The following FKBP3 variants were observed in gnomAD, a reference collection of about 807,000 sequenced individuals.
The protein encoded by FKBP3 is FKBP prolyl isomerase 3.
A neutral mutation model predicts 30.6 loss-of-function variants in FKBP3; 21 were observed. That is an observed-to-expected ratio of 0.69 (90% CI 0.49 to 0.99). The LOEUF is 0.99. FKBP3 is among the 50% of genes least tolerant of loss of function. The pLI, the probability that FKBP3 is intolerant of heterozygous loss-of-function variation, is 0.00. For missense variants in FKBP3, 283 were observed against 261.6 expected (o/e 1.08, Z -0.56); for synonymous variants, 82 against 91.3 (o/e 0.90, Z 0.58).
chr14:45,134,207 C>T, intron 1 of FKBP3, 142 bp downstream of exon 1: 1 of 686,318 alleles, frequency 1.5e-6, no homozygotes, highest in Non-Finnish European at 2.5e-6. Context: ...AAAGCACAAG[C>T]TGGGCCTCTC....
chr14:45,128,069 G>T (rs1006534215), intron 3 of FKBP3, among the ~76,000 whole-genome samples: 6 of 152,220 alleles, frequency 3.9e-5, no homozygotes, highest in Non-Finnish European at 8.8e-5. Context: ...AGGGGCAGTG[G>T]CTCACGCCTG....
Position 45,121,601 on chromosome 14 carries a change from T to C in FKBP3, c.338A>G (p.Lys113Arg). ...TTTATCTCCCTTTTTCAGAACAGATTTAGTATATTTTGGTGGACCCTAAAA... is the reference window on the plus strand; with the variant it reads ...TTTATCTCCCTTTTTCAGAACAGATCTAGTATATTTTGGTGGACCCTAAAA... ...TLDEGPPKYT[K>R]SVLKKGDKTN... is the part of the protein sequence containing the mutation. The change falls in exon 4 of 7, where the codon AAA becomes AGA. Residue 113 changes from lysine (K) to arginine (R), a missense_variant. Physicochemically the swap from Lys to Arg is conservative, Grantham distance 26. Transcript: ENST00000396062. 1.2e-6 allele frequency: 2 copies of C among 1,613,560 alleles called. No individual in the cohort carries two copies. Among genetic ancestry groups the C allele is most frequent in the Non-Finnish European group, 1.7e-6 (2 of 1,179,752 alleles).
intron 3 of FKBP3, among the ~76,000 whole-genome samples, chr14:45,128,463 G>C (rs999210880): frequency 4.6e-5 from 7 of 152,204 alleles, no homozygotes; most frequent in Admixed American, 2.6e-4. Flanking sequence ...AAATGTTGTT[G>C]AGTAGCAATG....
rs781112541 is a variant in FKBP3, at chr14:45,134,368, T to C, written c.89A>G (p.Gln30Arg). 6.2e-7 allele frequency: 1 copy of C among 1,613,782 alleles called. No homozygotes were observed. The highest frequency in any genetic ancestry group is 8.5e-7 in the Non-Finnish European group (1 of 1,179,780). ...TGGTACCGAATCTGAACCGTGTTCC[T>C]GCAGAAACTTGATAATGTCCTTCTT... ...LPKKDIIKFL[Q>R]EHGSDSFLAE... Residue 30 changes from glutamine (Q) to arginine (R), a missense_variant, in exon 1 of 7, where the codon CAG becomes CGG. Coordinates refer to ENST00000396062, the MANE Select transcript of FKBP3 (RefSeq NM_002013.4).
At chr14:45,116,978 G>GCC (rs916784438) in intron 6 of FKBP3, among the ~76,000 whole-genome samples, 2 of 148,454 alleles carry the variant, frequency 1.3e-5, no homozygotes, top group African/African-American at 5.0e-5. Context: ...TGATTTCCCC[G>GCC]CCCCCCCCAC....
At position 45,130,715 on chromosome 14, in the gene FKBP3, T is replaced by C. The variant is rs1246355975; in HGVS notation, c.194A>G (p.His65Arg). Residue 65 changes from histidine (H) to arginine (R), a missense_variant, in exon 2 of 7, where the codon CAT becomes CGT. Transcript: ENST00000396062. ...AATACTCACCTTAGTTTCAAAAAGA[T>C]GGTTATAGGCTGTAACCAAGTGGTC... ...NKDHLVTAYNHLFETKRFKGT... is the reference protein window; with the variant it reads ...NKDHLVTAYNRLFETKRFKGT... 1.9e-6 allele frequency: 3 copies of C among 1,588,450 alleles called. No individual in the cohort carries two copies. Among genetic ancestry groups the C allele is most frequent in the East Asian group, 2.3e-5 (1 of 44,242 alleles).
Position 45,115,871 on chromosome 14 carries a change from ATATAT to A in FKBP3, c.*322_*326del, listed in dbSNP as rs1450237111. The A allele has an allele frequency of 1.9e-5, 4 of 214,992 alleles. No individual in the cohort carries two copies. The highest frequency in any genetic ancestry group is 3.8e-5 in the Non-Finnish European group (4 of 104,696). The allele number at this position is 214,992 out of a possible 1,614,324, so 13.3% of individuals were successfully genotyped here. ...TTCCAATTCCCTAATCAGAACAATA[ATATAT>A]TAACACCAAACAAATCACAGTCAGA... On this transcript the variant is annotated 3_prime_UTR_variant, in exon 7 of 7. Coordinates refer to ENST00000396062, the MANE Select transcript of FKBP3 (RefSeq NM_002013.4).
intron 1 of FKBP3, chr14:45,133,430 G>C (rs1281445873): frequency 5.3e-6 from 1 of 187,272 alleles, no homozygotes; most frequent in African/African-American, 2.4e-5. Flanking sequence ...TCGCGCCACT[G>C]CACTCCAGCC....
At position 45,123,581 on chromosome 14, in the gene FKBP3, T is replaced by G. The variant is rs1885032392; in HGVS notation, c.319-1961A>C. ...ATGTAATTTTTCACTTCTCTAACTC[T>G]GCTTAAATCCCTCTCTACTCCTTTT... On this transcript the variant is annotated intron_variant, in intron 3 of 6. Transcript: ENST00000396062. 3.4e-5 allele frequency among the ~76,000 whole-genome samples: 5 copies of G among 146,270 alleles called. No individual in the cohort carries two copies. In the South Asian group the frequency reaches 1.1e-3, roughly 33 times the overall value.
Position 45,117,932 on chromosome 14 carries a change from C to T in FKBP3, c.620+96G>A, listed in dbSNP as rs1341755152. On this transcript the variant is annotated intron_variant, in intron 6 of 6. Transcript: ENST00000396062. ...GACTAGTCTGGACAGGATTCTTGAT[C>T]CAGAAGTTTGCCTAGACAGCATCTT... The T allele has an allele frequency of 7.1e-6, 6 of 844,690 alleles. No homozygotes were observed. The South Asian group carries it at 7.6e-5, about 11-fold the overall frequency. 52.3% of individuals were successfully genotyped at this position (844,690 alleles called of 1,614,324 possible).
At chr14:45,119,042 C>T (rs1375863868) in intron 5 of FKBP3, among the ~76,000 whole-genome samples, 3 of 151,928 alleles carry the variant, frequency 2.0e-5, no homozygotes, top group Admixed American at 6.6e-5. Flanking sequence ...TAAAATGTTA[C>T]GGCACTAAGA....
At chr14:45,119,262 T>C (rs1235215291) in intron 5 of FKBP3, among the ~76,000 whole-genome samples, 1 of 152,096 alleles carries the variant, frequency 6.6e-6, no homozygotes, top group East Asian at 1.9e-4. Flanking sequence ...GGTGGTCACA[T>C]TTGGAAAATA....
At chr14:45,121,424 C>G in intron 4 of FKBP3, 61 bp downstream of exon 4, 1 of 1,443,462 alleles carries the variant, frequency 6.9e-7, no homozygotes, top group Non-Finnish European at 9.6e-7. Context: ...ACTCATCTGT[C>G]TGCCACCCAA....
At chr14:45,131,628 C>CAAAAAAAAAA (rs536298530) in intron 1 of FKBP3, among the ~76,000 whole-genome samples, 5 of 39,468 alleles carry the variant, frequency 1.3e-4, no homozygotes, top group African/African-American at 3.5e-4. Context: ...GACTCTGTCT[C>CAAAAAAAAAA]AAAAAAAAAA....
chr14:45,117,978 T>C (rs769708056), intron 6 of FKBP3, 50 bp downstream of exon 6: 17 of 1,334,836 alleles, frequency 1.3e-5, no homozygotes, highest in Middle Eastern at 1.8e-4. Flanking sequence ...AAAGGTGATC[T>C]AGACGTTTTT....
In FKBP3 at chr14:45,120,994, AATTT is replaced by A. The variant is rs746273839; in HGVS notation, c.455-44_455-41del. 5 of 1,422,114 alleles carry A rather than the reference AATTT, an allele frequency of 3.5e-6. No individual in the cohort carries two copies. The South Asian group carries it at 6.1e-5, about 17-fold the overall frequency. 88.1% of individuals were successfully genotyped at this position (1,422,114 alleles called of 1,614,324 possible). ...TTCCTTATCATTAATGATATACTCT[AATTT>A]ATTATTAAGAAATTTCCATTGGAAA... On this transcript the variant is annotated intron_variant, in intron 4 of 6. Coordinates refer to ENST00000396062, the MANE Select transcript of FKBP3 (RefSeq NM_002013.4).
At position 45,134,437 on chromosome 14, in the gene FKBP3, TGTGGAACGGCCGCC is replaced by T. The variant is rs1885333650; in HGVS notation, c.6_19del (p.Ala4GlyfsTer10). On this transcript the variant is annotated frameshift_variant, in exon 1 of 7. Transcript: ENST00000396062. LOFTEE classifies it high-confidence loss of function. Reference sequence around the variant, plus strand: ...CAGCTGCTCCACGGTCCACGCCCGCTGTGGAACGGCCGCCGCCATCTTCCCCCGCTGCCTCCGCT... The same window carrying T: ...CAGCTGCTCCACGGTCCACGCCCGCTGCCATCTTCCCCCGCTGCCTCCGCT... 2 of 1,610,720 alleles carry T rather than the reference TGTGGAACGGCCGCC, an allele frequency of 1.2e-6. No homozygotes were observed. Among genetic ancestry groups the T allele is most frequent in the South Asian group, 1.1e-5 (1 of 90,930 alleles).
chr14:45,124,667 A>G lies in FKBP3; in HGVS notation c.319-3047T>C, dbSNP rs564351987. Among the ~76,000 whole-genome samples the G allele has an allele frequency of 1.2e-4, 19 of 152,134 alleles. No individual in the cohort carries two copies. The Middle Eastern group carries it at 0.01, about 82-fold the overall frequency. ...AGTAGTGTGATCACGGCTCACTTATAGGCTCTAGCAGTCCACCTGCCTCAG... is the reference window on the plus strand; with the variant it reads ...AGTAGTGTGATCACGGCTCACTTATGGGCTCTAGCAGTCCACCTGCCTCAG... On this transcript the variant is annotated intron_variant, in intron 3 of 6. Transcript: ENST00000396062.
In FKBP3 at chr14:45,129,702, C is replaced by T. The variant is rs1388561074; in HGVS notation, c.318+92G>A. 6.8e-6 allele frequency: 5 copies of T among 740,082 alleles called. No homozygotes were observed. In the South Asian group the frequency reaches 6.9e-5, roughly 10 times the overall value. 45.8% of individuals were successfully genotyped at this position (740,082 alleles called of 1,614,324 possible). On this transcript the variant is annotated intron_variant, in intron 3 of 6. Coordinates refer to ENST00000396062, the MANE Select transcript of FKBP3 (RefSeq NM_002013.4). ...ATTGAAAGTGGTCGTATTCAACCAC[C>T]CTTCACTATGAGAAGTTAGTGCAAA...
Sources: allele counts gnomAD v4.1 joint callset (sites outside exome capture counted in the v4.1 genomes callset), GRCh38; gene constraint gnomAD v4.1.1; transcripts MANE v1.5; gene names NCBI Gene and HGNC (gene_info 2026-07-23, HGNC 2026-07-21).